The following CAND1 variants were observed in gnomAD, a reference collection of about 807,000 sequenced individuals.
CAND1 encodes the protein cullin associated and neddylation dissociated 1, also known as cullin-associated NEDD8-dissociated protein 1.
CAND1 carries 7 observed loss-of-function variants against 108.5 expected under a neutral mutation model. The ratio of observed to expected loss-of-function variants is 0.06; its 90% confidence interval spans 0.04 to 0.12. The LOEUF is 0.12. Among genes scored for constraint, CAND1 ranks in the 10% least tolerant of loss-of-function variants. The probability of loss-of-function intolerance (pLI) is 1.00; values close to 1 mark genes in which losing one functional copy is unlikely to be tolerated. For missense variants in CAND1, 941 were observed against 1,448.7 expected (o/e 0.65, Z 5.69); for synonymous variants, 534 against 512.0 (o/e 1.04, Z -0.58).
At chr12:67,278,588 G>A (rs941359876) in intron 1 of CAND1, among the ~76,000 whole-genome samples, 4 of 151,980 alleles carry the variant, frequency 2.6e-5, no homozygotes, top group Non-Finnish European at 5.9e-5. Context: ...GCTCAATCTC[G>A]GCTCACTGCA....
Position 67,305,476 on chromosome 12 carries a change from A to G in CAND1, c.1808A>G (p.Asn603Ser), listed in dbSNP as rs145569945. 1,773 of 1,613,736 alleles carry G rather than the reference A, an allele frequency of 1.1e-3. 30 individuals are homozygous for G. In the South Asian group the frequency reaches 0.015, roughly 14 times the overall value. The change falls in exon 10 of 15, where the codon AAT becomes AGT. Residue 603 changes from asparagine to serine, a missense_variant. This residue lies in a region of CAND1 where 697 missense variants were observed against 942.0 expected (regional missense o/e 0.74). Transcript: ENST00000545606. The surrounding 1 kb of genome is among the most constrained non-coding windows in gnomAD (Gnocchi z 4.4). ...MGQIICNLGD[N>S]LGSDLPNTLQ... is the part of the protein sequence containing the mutation. ...CAAATTATTTGCAACCTTGGAGACA[A>G]TTTGGGTTCTGACTTGCCTAATACA...
intron 7 of CAND1, among the ~76,000 whole-genome samples, chr12:67,301,870 C>T (rs1371269596): frequency 6.6e-6 from 1 of 152,148 alleles, no homozygotes; most frequent in East Asian, 1.9e-4. Flanking sequence ...ATCACCTACT[C>T]TATTACCACA....
At chr12:67,307,948 A>G (rs1592624732) in intron 11 of CAND1, among the ~76,000 whole-genome samples, 1 of 152,176 alleles carries the variant, frequency 6.6e-6, no homozygotes, top group African/African-American at 2.4e-5. Context: ...ACCTAAGAAT[A>G]AAAAATAAAG....
chr12:67,277,735 A>G (rs747578251), intron 1 of CAND1, among the ~76,000 whole-genome samples: 3 of 152,232 alleles, frequency 2.0e-5, no homozygotes, highest in Non-Finnish European at 1.5e-5. Context: ...ATTTTGCTTT[A>G]CAAATAAATG....
In CAND1 at chr12:67,305,341, C is replaced by T. The variant is rs773906312; in HGVS notation, c.1673C>T (p.Ser558Leu). ...KVIRPLDQPSSFDATPYIKDL... is the reference protein window; with the variant it reads ...KVIRPLDQPSLFDATPYIKDL... ...ATTCGTCCTTTAGATCAGCCTTCCT[C>T]GTTTGATGCAACTCCTTATATCAAA... The change falls in exon 10 of 15, where the codon TCG becomes TTG. Residue 558 changes from serine to leucine, a missense_variant. Coordinates refer to ENST00000545606, the MANE Select transcript of CAND1 (RefSeq NM_018448.5). The surrounding 1 kb of genome is among the most constrained non-coding windows in gnomAD (Gnocchi z 4.4). 13 of 1,614,108 alleles carry T rather than the reference C, an allele frequency of 8.1e-6. No homozygotes were observed. The highest frequency in any genetic ancestry group is 2.2e-5 in the South Asian group (2 of 91,076).
At chr12:67,288,142 T>C (rs2136001137) in intron 2 of CAND1, among the ~76,000 whole-genome samples, 1 of 151,100 alleles carries the variant, frequency 6.6e-6, no homozygotes, top group African/African-American at 2.4e-5. Context: ...CTGAATTTTT[T>C]TTTTTTTTTT....
rs1379848635 is a variant in CAND1 at position 67,315,347 on chromosome 12, C to T, written c.*2517C>T. Reference sequence around the variant, plus strand: ...CAGACGCCTGTAGTCCTAGCTGCTACAGCTGAGGCAGGAGAATGGCGTGAA... The same window carrying T: ...CAGACGCCTGTAGTCCTAGCTGCTATAGCTGAGGCAGGAGAATGGCGTGAA... On this transcript the variant is annotated 3_prime_UTR_variant, in exon 15 of 15. Transcript: ENST00000545606. The T allele has an allele frequency of 6.6e-6, 1 of 150,764 alleles. No individual in the cohort carries two copies. The highest frequency in any genetic ancestry group is 1.5e-5 in the Non-Finnish European group (1 of 68,098). The allele number at this position is 150,764 out of a possible 1,614,324, so 9.3% of individuals were successfully genotyped here.
intron 2 of CAND1, among the ~76,000 whole-genome samples, chr12:67,286,631 A>T: frequency 6.6e-6 from 1 of 150,764 alleles, no homozygotes; most frequent in Admixed American, 6.6e-5. Context: ...GATGAGCTTA[A>T]GTTTTTAATT....
rs61481589 is a variant in CAND1 at position 67,317,473 on chromosome 12, A to ATTTTTTTTTTTTTTT, written c.*4652_*4666dup. On this transcript the variant is annotated 3_prime_UTR_variant, in exon 15 of 15. Transcript: ENST00000545606. ...CTTTTTTCTTTTTTTTTCTTTCTTA[A>ATTTTTTTTTTTTTTT]TTTTTTTTTTTTTTTTTTTTTTTGA... is the stretch of plus-strand genomic sequence containing the variant. 2.3e-5 allele frequency: 2 copies of ATTTTTTTTTTTTTTT among 88,218 alleles called. No homozygotes were observed. The highest frequency in any genetic ancestry group is 1.1e-4 in the African/African-American group (2 of 18,420). The allele number at this position is 88,218 out of a possible 1,614,324, so 5.5% of individuals were successfully genotyped here.
rs2045035297 is a variant in CAND1 at position 67,319,049 on chromosome 12, A to G, written c.*6219A>G. On this transcript the variant is annotated 3_prime_UTR_variant, in exon 15 of 15. Transcript: ENST00000545606. ...AGGCTGTAGTAAACCAGTAATTTGT[A>G]TTTCTATGACGTTCCCAGGTTCTAA... 6.6e-6 allele frequency: 1 copy of G among 152,186 alleles called. No individual in the cohort carries two copies. The highest frequency in any genetic ancestry group is 1.5e-5 in the Non-Finnish European group (1 of 68,040). The allele number at this position is 152,186 out of a possible 1,614,324, so 9.4% of individuals were successfully genotyped here.
At position 67,299,145 on chromosome 12, in the gene CAND1, A is replaced by G. The variant is rs751743076; in HGVS notation, c.1000+50A>G. On this transcript the variant is annotated intron_variant, in intron 7 of 14. Coordinates refer to ENST00000545606, the MANE Select transcript of CAND1 (RefSeq NM_018448.5). ...TTGAGTTTTTGTGAAAGACACTTAT[A>G]GATGGAGATGATTCTTAGTCCAAAT... The G allele has an allele frequency of 2.8e-6, 4 of 1,446,950 alleles. No individual in the cohort carries two copies. In the Admixed American group the frequency reaches 1.0e-4, roughly 37 times the overall value. The allele number at this position is 1,446,950 out of a possible 1,614,324, so 89.6% of individuals were successfully genotyped here. A position where few individuals can be genotyped will look rare whatever the true frequency, so the allele number is the denominator to read the frequency against.
chr12:67,284,368 A>G (rs780535675), intron 2 of CAND1, among the ~76,000 whole-genome samples: 1 of 148,748 alleles, frequency 6.7e-6, no homozygotes, highest in Non-Finnish European at 1.5e-5. Flanking sequence ...TACTGTGACT[A>G]AGATTTTAAG....
chr12:67,289,470 C>G (rs2044702620), intron 2 of CAND1, among the ~76,000 whole-genome samples: 1 of 152,154 alleles, frequency 6.6e-6, no homozygotes, highest in Non-Finnish European at 1.5e-5. Context: ...CTCACTGCAG[C>G]CTTGACTTCC....
intron 1 of CAND1, among the ~76,000 whole-genome samples, chr12:67,280,631 G>A (rs1235094794): frequency 6.6e-6 from 1 of 152,208 alleles, no homozygotes; most frequent in Non-Finnish European, 1.5e-5. Context: ...TTTTAAGGAG[G>A]TCTTAGGGCT....
rs144638369 is a variant in CAND1, at chr12:67,305,465, C to A, written c.1797C>A (p.Asn599Lys). Residue 599 changes from asparagine (N) to lysine (K), a missense_variant, in exon 10 of 15, where the codon AAC becomes AAA. Asn to Lys is a moderately conservative substitution (Grantham distance 94). Around this residue, in one of 9 missense-constraint regions of CAND1, gnomAD observed 697 missense variants for 942.0 expected, o/e 0.74. Transcript: ENST00000545606. This position sits in a 1 kb window ranked among gnomAD's most constrained non-coding sequence, Gnocchi z 4.4. The stretch of plus-strand genomic sequence containing the variant: ...CCTGTATGGGACAAATTATTTGCAA[C>A]CTTGGAGACAATTTGGGTTCTGACT... ...AISCMGQIIC[N>K]LGDNLGSDLP... 577 of 1,613,516 alleles carry A rather than the reference C, an allele frequency of 3.6e-4. 1 individual carries two copies. The highest frequency in any genetic ancestry group is 4.5e-4 in the Non-Finnish European group (530 of 1,180,028).
intron 2 of CAND1, among the ~76,000 whole-genome samples, chr12:67,282,436 T>A (rs185480378): frequency 6.6e-6 from 1 of 152,186 alleles, no homozygotes; most frequent in African/African-American, 2.4e-5. Flanking sequence ...TAAAAACTAA[T>A]AATAATAACA....
rs1288246151 is a variant in CAND1, at chr12:67,274,704, A to G, written c.68+4919A>G. ...GAATCTTCTTAAAATAATTCACCCC[A>G]TTTTGGAATGCAAGTTTTTCCCAAT... On this transcript the variant is annotated intron_variant, in intron 1 of 14. Coordinates refer to ENST00000545606, the MANE Select transcript of CAND1 (RefSeq NM_018448.5). Among the ~76,000 whole-genome samples the G allele has an allele frequency of 1.3e-5, 2 of 152,230 alleles. 1 individual carries two copies. The highest frequency in any genetic ancestry group is 3.8e-4 in the East Asian group (2 of 5,204).
At chr12:67,289,354 G>C (rs1358085299) in intron 2 of CAND1, among the ~76,000 whole-genome samples, 1 of 117,904 alleles carries the variant, frequency 8.5e-6, no homozygotes, top group Non-Finnish European at 1.7e-5. Flanking sequence ...GAGTAGCTGG[G>C]ATTACAGGCA....
In CAND1 at chr12:67,310,089, T is replaced by C. The variant is rs763913054; in HGVS notation, c.3195+19T>C. On this transcript the variant is annotated intron_variant, in intron 12 of 14. Coordinates refer to ENST00000545606, the MANE Select transcript of CAND1 (RefSeq NM_018448.5). ...AAGAGAGGTAAGTTAGATCACACTG[T>C]TTATTTGAGCTTGTCTTTGACTTAA... The C allele has an allele frequency of 7.5e-6, 12 of 1,609,556 alleles. No individual in the cohort carries two copies. The highest frequency in any genetic ancestry group is 1.0e-5 in the Non-Finnish European group (12 of 1,177,530).
Sources: gnomAD v4.1 joint callset for allele counts (sites outside exome capture counted in the v4.1 genomes callset) on GRCh38, gnomAD v4.1.1 for gene constraint, gnomAD v4.1.1 regional missense constraint, Gnocchi (gnomAD v3.1) non-coding constraint, MANE v1.5 for transcripts, NCBI Gene and HGNC (gene_info 2026-07-23, HGNC 2026-07-21) for gene names.